The following CLDN1 variants were observed in gnomAD, a reference collection of about 807,000 sequenced individuals.
CLDN1 encodes claudin 1.
CLDN1 carries 12 observed loss-of-function variants against 22.6 expected under a neutral mutation model. That is an observed-to-expected ratio of 0.53 (90% CI 0.34 to 0.86). The LOEUF (loss-of-function observed/expected upper bound fraction) is 0.86, where lower values mean the gene tolerates loss of function less well. CLDN1 is among the 40% of genes least tolerant of loss of function. The pLI is 0.02. For missense variants in CLDN1, 250 were observed against 269.5 expected (o/e 0.93, Z 0.51); for synonymous variants, 99 against 103.8 (o/e 0.95, Z 0.28).
intron 1 of CLDN1, among the ~76,000 whole-genome samples, chr3:190,316,709 C>T (rs940695615): frequency 1.3e-5 from 2 of 152,154 alleles, no homozygotes; most frequent in Non-Finnish European, 2.9e-5. Context: ...AAGCACAGTA[C>T]TTGAAAAGTC....
chr3:190,312,522 C>T (rs756387805), intron 2 of CLDN1, among the ~76,000 whole-genome samples: 1 of 152,308 alleles, frequency 6.6e-6, no homozygotes. Flanking sequence ...TCACTACTCC[C>T]CATCTTTTCC....
chr3:190,312,806 G>T (rs1376186235), intron 2 of CLDN1, 66 bp downstream of exon 2: 5 of 1,555,658 alleles, frequency 3.2e-6, no homozygotes, highest in Non-Finnish European at 4.4e-6. Flanking sequence ...TGAATCCAAC[G>T]TAATAGATTT....
intron 1 of CLDN1, among the ~76,000 whole-genome samples, 176 bp downstream of exon 1, chr3:190,321,808 C>T (rs1422056107): frequency 1.3e-5 from 2 of 152,152 alleles, no homozygotes; most frequent in Admixed American, 6.5e-5. Context: ...TATGCCTGGG[C>T]GTCGCTTTCC....
Position 190,312,883 on chromosome 3 carries a change from A to G in CLDN1, c.377T>C (p.Phe126Ser). The part of the protein sequence containing the change: ...MRMAVIGGAI[F>S]LLAGLAILVA... The stretch of plus-strand genomic sequence containing the variant: ...ACAGCCTCTATTACCTGCAAGAAGA[A>G]ATATCGCACCCCCAATGACAGCCAT... Residue 126 changes from phenylalanine (F) to serine (S), a missense_variant, in exon 2 of 4, where the codon TTT (phenylalanine) becomes TCT (serine). By Grantham distance (155) the Phe-to-Ser change is radical. Coordinates refer to ENST00000295522, the MANE Select transcript of CLDN1 (RefSeq NM_021101.5). 1 of 1,614,122 alleles carries G rather than the reference A, an allele frequency of 6.2e-7. No homozygotes were observed. The highest frequency in any genetic ancestry group is 8.5e-7 in the Non-Finnish European group (1 of 1,180,002).
At position 190,322,209 on chromosome 3, in the gene CLDN1, C is replaced by G; in HGVS notation, c.-3G>C. 1 of 1,613,220 alleles carries G rather than the reference C, an allele frequency of 6.2e-7. No homozygotes were observed. Among genetic ancestry groups the G allele is most frequent in the East Asian group, 2.2e-5 (1 of 44,864 alleles). ...AGCTGCAGCCCCGCGTTGGCCATGA[C>G]TCGCTCGGGCGCCCGCGCTGGCTCA... On this transcript the variant is annotated 5_prime_UTR_variant, in exon 1 of 4. Transcript: ENST00000295522.
intron 1 of CLDN1, among the ~76,000 whole-genome samples, chr3:190,317,021 T>C (rs189461756): frequency 5.3e-5 from 8 of 152,306 alleles, no homozygotes; most frequent in African/African-American, 1.9e-4. Context: ...AAGTTTTGTT[T>C]CTTTTTGCCC....
Position 190,322,000 on chromosome 3 carries a change from G to A in CLDN1, c.207C>T (p.Ser69=), listed in dbSNP as rs1716936317. ...TGCACTCACTGCTCAGATTCAGCAAGGAGTCAAAGACTTTGCACTGGATCT... is the reference window on the plus strand; with the variant it reads ...TGCACTCACTGCTCAGATTCAGCAAAGAGTCAAAGACTTTGCACTGGATCT... ...TGQIQCKVFD[S]LLNLSSTLQA... Residue 69 remains serine (S), a synonymous_variant, in exon 1 of 4, where the codon TCC becomes TCT. Coordinates refer to ENST00000295522, the MANE Select transcript of CLDN1 (RefSeq NM_021101.5). The A allele has an allele frequency of 6.2e-7, 1 of 1,614,130 alleles. No homozygotes were observed. The highest frequency in any genetic ancestry group is 8.5e-7 in the Non-Finnish European group (1 of 1,179,998).
In CLDN1 at chr3:190,306,146, G is replaced by A. The variant is rs985651739; in HGVS notation, c.*2131C>T. On this transcript the variant is annotated 3_prime_UTR_variant, in exon 4 of 4. Transcript: ENST00000295522. ...CCAGCTAACAGCAAGAGCTCTGAGG[G>A]CATCACTGAACAGATAGCACCTTAT... 1 of 152,188 alleles carries A rather than the reference G, an allele frequency of 6.6e-6. No homozygotes were observed. Among genetic ancestry groups the A allele is most frequent in the Non-Finnish European group, 1.5e-5 (1 of 68,030 alleles). The allele number at this position is 152,188 out of a possible 1,614,324, so 9.4% of individuals were successfully genotyped here. A position where few individuals can be genotyped will look rare whatever the true frequency, so the allele number is the denominator to read the frequency against.
Position 190,322,025 on chromosome 3 carries a change from T to G in CLDN1, c.182A>C (p.Gln61Pro). 6.2e-7 allele frequency: 1 copy of G among 1,614,236 alleles called. No individual in the cohort carries two copies. The highest frequency in any genetic ancestry group is 8.5e-7 in the Non-Finnish European group (1 of 1,180,040). The change falls in exon 1 of 4, where the codon CAG becomes CCG. Residue 61 changes from glutamine to proline, a missense_variant. By Grantham distance (76) the Gln-to-Pro change is moderately conservative. Coordinates refer to ENST00000295522, the MANE Select transcript of CLDN1 (RefSeq NM_021101.5). ...WMSCVSQSTGQIQCKVFDSLL... is the reference protein window; with the variant it reads ...WMSCVSQSTGPIQCKVFDSLL... ...GGAGTCAAAGACTTTGCACTGGATCTGCCCGGTGCTCTGCGACACGCAGGA... is the reference window on the plus strand; with the variant it reads ...GGAGTCAAAGACTTTGCACTGGATCGGCCCGGTGCTCTGCGACACGCAGGA...
chr3:190,321,958 C>A (rs1716933347), intron 1 of CLDN1, 26 bp downstream of exon 1: 1 of 1,597,124 alleles, frequency 6.3e-7, no homozygotes. Flanking sequence ...CTCTGGACGG[C>A]CGCTGTGAGG....
intron 3 of CLDN1, 35 bp downstream of exon 3, chr3:190,310,134 A>G: frequency 6.4e-7 from 1 of 1,570,022 alleles, no homozygotes; most frequent in South Asian, 1.1e-5. Context: ...GCATTTTCTC[A>G]GAAAACAAAC....
Position 190,317,111 on chromosome 3 carries a change from ATGT to A in CLDN1, c.224-4078_224-4076del, listed in dbSNP as rs1226394949. 4.6e-5 allele frequency among the ~76,000 whole-genome samples: 7 copies of A among 152,224 alleles called. No homozygotes were observed. The East Asian group carries it at 1.2e-3, about 25-fold the overall frequency. On this transcript the variant is annotated intron_variant, in intron 1 of 3. Coordinates refer to ENST00000295522, the MANE Select transcript of CLDN1 (RefSeq NM_021101.5). ...TAAAACAACAATTTGGATGAGATAG[ATGT>A]TGTATAGCCTTGCAATATTAACTTT...
In CLDN1 at chr3:190,322,087, G is replaced by C. The variant is rs775463471; in HGVS notation, c.120C>G (p.Ile40Met). The C allele has an allele frequency of 1.9e-6, 3 of 1,614,236 alleles. No individual in the cohort carries two copies. In the Admixed American group the frequency reaches 5.0e-5, roughly 27 times the overall value. ...CCTCGTACATGGCCTGGGCGGTCAC[G>C]ATGTTGTCGCCGGCATAGGAGTAAA... ...WRIYSYAGDNIVTAQAMYEGL... is the reference protein window; with the variant it reads ...WRIYSYAGDNMVTAQAMYEGL... The change falls in exon 1 of 4, where the codon ATC becomes ATG. Residue 40 changes from isoleucine (I) to methionine (M), a missense_variant. Ile to Met is a conservative substitution (Grantham distance 10, BLOSUM62 1). Coordinates refer to ENST00000295522, the MANE Select transcript of CLDN1 (RefSeq NM_021101.5).
At chr3:190,309,752 C>T (rs1384042114) in intron 3 of CLDN1, among the ~76,000 whole-genome samples, 1 of 152,170 alleles carries the variant, frequency 6.6e-6, no homozygotes, top group African/African-American at 2.4e-5. Flanking sequence ...AAGTATTATT[C>T]ATTAACCCCT....
chr3:190,311,079 A>C (rs1457834176), intron 2 of CLDN1, among the ~76,000 whole-genome samples: 1 of 152,218 alleles, frequency 6.6e-6, no homozygotes, highest in South Asian at 2.1e-4. Flanking sequence ...GGTCCAATGT[A>C]ATTGCCTCTA....
chr3:190,321,626 A>G (rs1716923934), intron 1 of CLDN1, among the ~76,000 whole-genome samples: 1 of 152,156 alleles, frequency 6.6e-6, no homozygotes, highest in Non-Finnish European at 1.5e-5. Context: ...TCTGAACTCT[A>G]CCAATCCTCA....
At chr3:190,311,347 A>T (rs1484802079) in intron 2 of CLDN1, among the ~76,000 whole-genome samples, 2 of 152,194 alleles carry the variant, frequency 1.3e-5, no homozygotes, top group African/African-American at 4.8e-5. Flanking sequence ...AGAGTAAATT[A>T]TTGGGAATAA....
At chr3:190,310,575 A>G (rs78080683) in intron 2 of CLDN1, among the ~76,000 whole-genome samples, 2,070 of 152,336 alleles carry the variant, frequency 0.014, 50 homozygotes, top group African/African-American at 0.045. Context: ...ACATTAGGAT[A>G]CTAAACTACA....
At chr3:190,312,479 A>G (rs1421609554) in intron 2 of CLDN1, among the ~76,000 whole-genome samples, 1 of 152,138 alleles carries the variant, frequency 6.6e-6, no homozygotes, top group Non-Finnish European at 1.5e-5. Flanking sequence ...TCCCTCACAG[A>G]CCTGAAGGGT....
Sources: allele counts gnomAD v4.1 joint callset (sites outside exome capture counted in the v4.1 genomes callset), GRCh38; gene constraint gnomAD v4.1.1; transcripts MANE v1.5; gene names NCBI Gene and HGNC (gene_info 2026-07-23, HGNC 2026-07-21).